The following DYNC2H1 variants were observed in gnomAD, a reference collection of about 807,000 sequenced individuals.
DYNC2H1 encodes dynein cytoplasmic 2 heavy chain 1.
DYNC2H1 carries 410 observed loss-of-function variants against 570.0 expected under a neutral mutation model. The ratio of observed to expected loss-of-function variants is 0.72; its 90% CI spans 0.66 to 0.78. The LOEUF is 0.78. Ranked by LOEUF, DYNC2H1 falls within the 30% of genes least tolerant of loss-of-function variation. The pLI, the probability that DYNC2H1 is intolerant of heterozygous loss-of-function variation, is 0.00. For missense variants in DYNC2H1, 4,865 were observed against 5,046.4 expected, an observed-to-expected ratio of 0.96 and a Z score of 1.09; for synonymous variants, 1,688 against 1,677.6, an observed-to-expected ratio of 1.01 and a Z score of -0.15.
At chr11:103,388,268 G>A (rs1176399644) in intron 83 of DYNC2H1, among the ~76,000 whole-genome samples, 1 of 152,010 alleles carries the variant, frequency 6.6e-6, no homozygotes, top group African/African-American at 2.4e-5. Context: ...TGAAGCAATT[G>A]TGAATGGGAG....
At chr11:103,427,789 T>C (rs1383553623) in intron 84 of DYNC2H1, among the ~76,000 whole-genome samples, 1 of 152,020 alleles carries the variant, frequency 6.6e-6, no homozygotes, top group Non-Finnish European at 1.5e-5. Flanking sequence ...CTCCTAATAT[T>C]ATCACATTGG....
intron 36 of DYNC2H1, 54 bp from the exon 37 acceptor site, chr11:103,176,180 CT>C: frequency 7.3e-7 from 1 of 1,367,896 alleles, no homozygotes; most frequent in Non-Finnish European, 9.6e-7. Flanking sequence ...TATTTAAAAA[CT>C]TTTTTCATCA....
intron 6 of DYNC2H1, among the ~76,000 whole-genome samples, chr11:103,119,842 T>G (rs1858607922): frequency 6.6e-6 from 1 of 152,240 alleles, no homozygotes; most frequent in Non-Finnish European, 1.5e-5. Flanking sequence ...TAGACAGAAC[T>G]GCTAACAGGT....
At chr11:103,110,872 C>G (rs1858080358) in intron 1 of DYNC2H1, among the ~76,000 whole-genome samples, 2 of 151,220 alleles carry the variant, frequency 1.3e-5, no homozygotes, top group African/African-American at 2.4e-5. Context: ...ATTACCCAGG[C>G]TGGAGTGCAA....
chr11:103,159,479 C>G (rs976052769), intron 28 of DYNC2H1, among the ~76,000 whole-genome samples: 2 of 151,946 alleles, frequency 1.3e-5, no homozygotes, highest in Non-Finnish European at 2.9e-5. Context: ...CAGTTATTGT[C>G]AGTGAAGAGA....
rs544338319 is a variant in DYNC2H1, at chr11:103,325,191, T to A, written c.12039+1201T>A. 2.5e-4 allele frequency among the ~76,000 whole-genome samples: 38 copies of A among 152,370 alleles called. No individual in the cohort carries two copies. Among genetic ancestry groups the A allele is most frequent in the African/African-American group, 8.7e-4 (36 of 41,594 alleles). ...TGTTTACTCTGTTGATAGTCTCTTT[T>A]GCTCTGCAGAAGCTCTTTAGTTAGG... On this transcript the variant is annotated intron_variant, in intron 82 of 88. Coordinates refer to ENST00000375735, the MANE Select transcript of DYNC2H1 (RefSeq NM_001377.3). This position sits in a 1 kb window ranked among gnomAD's most constrained non-coding sequence, Gnocchi z 4.8.
intron 73 of DYNC2H1, 75 bp downstream of exon 73, chr11:103,283,160 C>T (rs1238747651): frequency 2.5e-6 from 3 of 1,210,952 alleles, no homozygotes; most frequent in African/African-American, 3.0e-5. Context: ...CTTTGTGCTC[C>T]TTATTCGTAA....
chr11:103,414,944 A>G (rs1183280166), intron 84 of DYNC2H1, among the ~76,000 whole-genome samples: 1 of 152,200 alleles, frequency 6.6e-6, no homozygotes, highest in Non-Finnish European at 1.5e-5. Flanking sequence ...CAATATCATG[A>G]AAATGGCAGT....
In DYNC2H1 at chr11:103,479,077, A is replaced by T; in HGVS notation, c.12766-18A>T. The T allele has an allele frequency of 6.2e-7, 1 of 1,612,662 alleles. No individual in the cohort carries two copies. The highest frequency in any genetic ancestry group is 1.7e-5 in the Admixed American group (1 of 59,952). On this transcript the variant is annotated intron_variant, in intron 88 of 88. Transcript: ENST00000375735. ...ATAGTGTATTGCTTTATTTTAAAAC[A>T]AGTTATTTTTTAAACAGGATGCATG...
chr11:103,384,021 T>C (rs912228021), intron 83 of DYNC2H1, among the ~76,000 whole-genome samples: 1 of 152,226 alleles, frequency 6.6e-6, no homozygotes, highest in African/African-American at 2.4e-5. Flanking sequence ...CTTATGACAG[T>C]AATCTTTTGA....
At position 103,160,136 on chromosome 11, in the gene DYNC2H1, T is replaced by C. The variant is rs1861026550; in HGVS notation, c.4379-796T>C. On this transcript the variant is annotated intron_variant, in intron 28 of 88. Transcript: ENST00000375735. The stretch of plus-strand genomic sequence containing the variant: ...CCCTTTTATTCAACCAATTTCTCTA[T>C]TGTTTATTAATTGGTTATCAAGTTA... Among the ~76,000 whole-genome samples the C allele has an allele frequency of 1.3e-5, 2 of 152,144 alleles. 1 individual carries two copies. The highest frequency in any genetic ancestry group is 4.1e-4 in the South Asian group (2 of 4,830).
intron 1 of DYNC2H1, among the ~76,000 whole-genome samples, chr11:103,111,487 T>C (rs1858109851): frequency 6.6e-6 from 1 of 152,190 alleles, no homozygotes; most frequent in African/African-American, 2.4e-5. Flanking sequence ...GTAGCGTAGT[T>C]CAGGATAGAG....
chr11:103,474,996 A>G (rs573244757), intron 88 of DYNC2H1, among the ~76,000 whole-genome samples: 1 of 152,290 alleles, frequency 6.6e-6, no homozygotes, highest in South Asian at 2.1e-4. Context: ...TTGTTGTGAG[A>G]CATTCAGGCT....
At chr11:103,172,677 C>T (rs1476472496) in intron 34 of DYNC2H1, among the ~76,000 whole-genome samples, 3 of 152,050 alleles carry the variant, frequency 2.0e-5, no homozygotes, top group African/African-American at 7.2e-5. Flanking sequence ...CAGATAGACT[C>T]TGAGCTCCAG....
At chr11:103,417,120 G>A (rs2514399) in intron 84 of DYNC2H1, among the ~76,000 whole-genome samples, 77,078 of 151,918 alleles carry the variant, frequency 0.51, 19,817 homozygotes, top group African/African-American at 0.6. Flanking sequence ...TTTCTTTGTC[G>A]CCAGGCTGGA....
At position 103,435,999 on chromosome 11, in the gene DYNC2H1, G is replaced by C; in HGVS notation, c.12423G>C (p.Leu4141=). The C allele has an allele frequency of 6.2e-7, 1 of 1,612,568 alleles. No homozygotes were observed. The highest frequency in any genetic ancestry group is 1.3e-5 in the African/African-American group (1 of 74,960). Residue 4141 remains leucine (L), a synonymous_variant, in exon 85 of 89, where the codon CTG becomes CTC. Transcript: ENST00000375735. The part of the protein sequence containing the change: ...WEGPEDPLQY[L]RGLVARALAI... ...GCCCAGAAGATCCCTTACAATACCT[G>C]AGAGGTCTTGTTGCCCGTGCCCTTG... is the stretch of plus-strand genomic sequence containing the variant.
intron 87 of DYNC2H1, among the ~76,000 whole-genome samples, chr11:103,459,882 G>T (rs897561324): frequency 2.0e-5 from 3 of 149,750 alleles, no homozygotes; most frequent in African/African-American, 7.4e-5. Context: ...AACCCGGGAA[G>T]CGGAGCTTGC....
chr11:103,462,674 G>T (rs1945057076), intron 87 of DYNC2H1, among the ~76,000 whole-genome samples: 1 of 152,072 alleles, frequency 6.6e-6, no homozygotes, highest in Admixed American at 6.5e-5. Context: ...TTTAAACTGG[G>T]AATATTCAAA....
At chr11:103,309,260 G>A (rs563860991) in intron 78 of DYNC2H1, among the ~76,000 whole-genome samples, 5 of 137,496 alleles carry the variant, frequency 3.6e-5, no homozygotes, top group East Asian at 2.2e-4. Flanking sequence ...CTGCAGTCTC[G>A]ACCTGCTGGG....
Sources: allele counts gnomAD v4.1 joint callset (sites outside exome capture counted in the v4.1 genomes callset), GRCh38; gene constraint gnomAD v4.1.1; non-coding constraint Gnocchi (gnomAD v3.1); transcripts MANE v1.5; gene names NCBI Gene and HGNC (gene_info 2026-07-23, HGNC 2026-07-21).